C12orf54: variants seen among roughly 807,000 people sequenced by gnomAD.
The protein encoded by C12orf54 is chromosome 12 open reading frame 54, also known as uncharacterized protein C12orf54.
Under a neutral mutation model 26.4 loss-of-function variants are expected in C12orf54, and 24 were observed. The ratio of observed to expected loss-of-function variants is 0.91; its 90% CI spans 0.66 to 1.28. The LOEUF (loss-of-function observed/expected upper bound fraction) is 1.28. C12orf54 is among the 50% of genes most tolerant of loss of function. The pLI is 0.00. For synonymous variants in C12orf54, 54 were observed against 47.0 expected, an observed-to-expected ratio of 1.15 and a Z score of -0.61; for missense variants, 154 against 150.9, an observed-to-expected ratio of 1.02 and a Z score of -0.11.
chr12:48,423,898 T>A, the C12orf54 span, among the ~76,000 whole-genome samples: 1 of 152,116 alleles, frequency 6.6e-6, no homozygotes, highest in Admixed American at 6.5e-5. Flanking sequence ...AAAGCAGGCA[T>A]CCTTGCCTTG....
chr12:48,440,582 G>T, the C12orf54 span, among the ~76,000 whole-genome samples: 2 of 152,132 alleles, frequency 1.3e-5, no homozygotes, highest in Admixed American at 1.3e-4. Context: ...CATTATTAGG[G>T]CCAAGCGGCA....
chr12:48,479,619 C>A (rs943703398), upstream of C12orf54, among the ~76,000 whole-genome samples: 2 of 150,616 alleles, frequency 1.3e-5, no homozygotes, highest in Non-Finnish European at 3.0e-5. Flanking sequence ...TTTTTTCATA[C>A]ACCCGAGCAC....
At chr12:48,464,931 A>G in the C12orf54 span, among the ~76,000 whole-genome samples, 3 of 152,142 alleles carry the variant, frequency 2.0e-5, no homozygotes, top group Admixed American at 6.6e-5. Flanking sequence ...TTTATTAAAG[A>G]CTTAAATGTA....
At chr12:48,472,786 T>C in the C12orf54 span, 4 of 1,614,048 alleles carry the variant, frequency 2.5e-6, no homozygotes, top group African/African-American at 1.3e-5. Flanking sequence ...ACAGATGAAT[T>C]TGAAGAACTG....
chr12:48,431,055 C>T, the C12orf54 span, among the ~76,000 whole-genome samples: 1 of 152,126 alleles, frequency 6.6e-6, no homozygotes, highest in East Asian at 1.9e-4. Context: ...CAATGGAAAA[C>T]CAAACATTGT....
the C12orf54 span, among the ~76,000 whole-genome samples, chr12:48,451,027 A>G: frequency 5.6e-4 from 85 of 152,250 alleles, 1 homozygote; most frequent in Non-Finnish European, 5.0e-4. Context: ...ATTTAAAAAA[A>G]AGAGAGAGAA....
intron 7 of C12orf54, 25 bp downstream of exon 7, chr12:48,493,020 T>G: frequency 1.2e-6 from 2 of 1,608,168 alleles, no homozygotes; most frequent in Non-Finnish European, 1.7e-6. Context: ...TCTGACAATG[T>G]TCAAGGGAGA....
At chr12:48,490,893 T>A in intron 6 of C12orf54, 57 bp downstream of exon 6, 1 of 1,577,568 alleles carries the variant, frequency 6.3e-7, no homozygotes. Context: ...GATTTGGAAT[T>A]CAAGTCTCAT....
the C12orf54 span, among the ~76,000 whole-genome samples, chr12:48,467,580 T>C: frequency 6.6e-6 from 1 of 151,772 alleles, no homozygotes; most frequent in Non-Finnish European, 1.5e-5. Context: ...TTCTAGAAAA[T>C]ACATAACATT....
the C12orf54 span, among the ~76,000 whole-genome samples, chr12:48,425,469 A>G: frequency 2.6e-5 from 4 of 152,054 alleles, no homozygotes; most frequent in South Asian, 6.2e-4. Context: ...TCTTTATCCA[A>G]TCTGTCATTG....
chr12:48,490,894 C>G (rs1937775971), intron 6 of C12orf54, 58 bp downstream of exon 6: 2 of 1,576,336 alleles, frequency 1.3e-6, no homozygotes, highest in South Asian at 2.2e-5. Flanking sequence ...ATTTGGAATT[C>G]AAGTCTCATT....
rs543903582 is a variant in C12orf54, at chr12:48,492,423, T to C, written c.194-524T>C. On this transcript the variant is annotated intron_variant, in intron 6 of 8. Coordinates refer to ENST00000548364, the MANE Select transcript of C12orf54 (RefSeq NM_152319.4). ...TACCTCTGCTTAGAGAATGCTCTCC[T>C]TCATCCTCAGAAGCCTGATTTCCAA... Among the ~76,000 whole-genome samples the C allele has an allele frequency of 4.6e-5, 7 of 152,302 alleles. No individual in the cohort carries two copies. In the South Asian group the frequency reaches 1.5e-3, roughly 32 times the overall value.
At chr12:48,477,746 C>T (rs1407674860), upstream of C12orf54, among the ~76,000 whole-genome samples, 1 of 152,046 alleles carries the variant, frequency 6.6e-6, no homozygotes, top group Non-Finnish European at 1.5e-5. Context: ...GAAATTGAGG[C>T]AATAATCAAT....
the C12orf54 span, among the ~76,000 whole-genome samples, chr12:48,477,169 G>A: frequency 1.3e-5 from 2 of 152,142 alleles, no homozygotes; most frequent in South Asian, 2.1e-4. Flanking sequence ...TGAAATGAAG[G>A]CAGAAATAAA....
the C12orf54 span, among the ~76,000 whole-genome samples, chr12:48,451,515 T>C: frequency 2.0e-5 from 3 of 152,058 alleles, no homozygotes; most frequent in Non-Finnish European, 4.4e-5. Flanking sequence ...GAGAAAGAAA[T>C]AAGGGATATT....
the C12orf54 span, among the ~76,000 whole-genome samples, chr12:48,463,358 C>A: frequency 3.3e-5 from 5 of 151,906 alleles, no homozygotes; most frequent in Non-Finnish European, 7.4e-5. Flanking sequence ...CATACACCCT[C>A]CCAAGACTGA....
At chr12:48,476,941 A>G in the C12orf54 span, among the ~76,000 whole-genome samples, 56 of 152,358 alleles carry the variant, frequency 3.7e-4, no homozygotes, top group African/African-American at 1.2e-3. Context: ...AACAGAATAT[A>G]CATTCTTTTC....
chr12:48,445,833 C>T, the C12orf54 span, among the ~76,000 whole-genome samples: 2 of 152,110 alleles, frequency 1.3e-5, no homozygotes, highest in African/African-American at 2.4e-5. Context: ...TTCATTTTCC[C>T]AAAAGGAGGA....
the C12orf54 span, among the ~76,000 whole-genome samples, chr12:48,466,491 G>A: frequency 1.3e-5 from 2 of 151,772 alleles, no homozygotes; most frequent in Non-Finnish European, 2.9e-5. Flanking sequence ...GTTGCAGTGA[G>A]CCAAGATCGA....
Sources: gnomAD v4.1 joint callset for allele counts (sites outside exome capture counted in the v4.1 genomes callset) on GRCh38, gnomAD v4.1.1 for gene constraint, MANE v1.5 for transcripts, NCBI Gene and HGNC (gene_info 2026-07-23, HGNC 2026-07-21) for gene names.